CSF3R: variants seen among roughly 807,000 people sequenced by gnomAD.
CSF3R encodes the protein granulocyte colony-stimulating factor receptor.
A neutral mutation model predicts 84.4 loss-of-function variants in CSF3R; 52 were observed. The observed-to-expected ratio is 0.62, with a 90% CI of 0.49 to 0.78. CSF3R has a LOEUF of 0.78. Ranked by LOEUF, CSF3R falls within the 30% of genes least tolerant of loss-of-function variation. CSF3R has a pLI of 0.00. For missense variants in CSF3R, 890 were observed against 1,055.7 expected, an observed-to-expected ratio of 0.84 and a Z score of 2.17; for synonymous variants, 384 against 429.1, an observed-to-expected ratio of 0.89 and a Z score of 1.30.
At position 36,475,572 on chromosome 1, in the gene CSF3R, C is replaced by T. The variant is rs199552713; in HGVS notation, c.166G>A (p.Asp56Asn). 11 of 1,613,378 alleles carry T rather than the reference C, an allele frequency of 6.8e-6. No individual in the cohort carries two copies. The East Asian group carries it at 2.2e-4, about 33-fold the overall frequency. ...CTCCACAGAATCTGTGGCTCCGGGT[C>T]CAGATGGCTGCAGTTCTGCTTGATG... ...CIIKQNCSHL[D>N]PEPQILWRLG... The change falls in exon 4 of 17, where the codon GAC becomes AAC. Residue 56 changes from aspartate (D) to asparagine (N), a missense_variant. Physicochemically the swap from Asp to Asn is conservative, Grantham distance 23. Coordinates refer to ENST00000373106, the MANE Select transcript of CSF3R (RefSeq NM_000760.4).
At chr1:36,469,387 C>T in intron 11 of CSF3R, 130 bp from the exon 12 acceptor site, 1 of 809,048 alleles carries the variant, frequency 1.2e-6, no homozygotes. Flanking sequence ...ACAATATCTT[C>T]TTTAGATCAT....
intron 1 of CSF3R, chr1:36,482,006 C>T (rs1296652830): frequency 6.6e-6 from 1 of 152,426 alleles, no homozygotes; most frequent in Admixed American, 6.5e-5. Context: ...CCCTCACACT[C>T]TCTTCCCCAC....
chr1:36,476,689 C>A (rs938512646), intron 3 of CSF3R, among the ~76,000 whole-genome samples: 2 of 147,376 alleles, frequency 1.4e-5, no homozygotes, highest in Non-Finnish European at 3.0e-5. Context: ...TCTTCAAGTT[C>A]TTGCTCTGTC....
Position 36,466,487 on chromosome 1 carries a change from G to A in CSF3R, c.2381C>T (p.Ala794Val), listed in dbSNP as rs1183274433. 6.2e-7 allele frequency: 1 copy of A among 1,611,468 alleles called. No individual in the cohort carries two copies. Among genetic ancestry groups the A allele is most frequent in the Admixed American group, 1.7e-5 (1 of 59,450 alleles). The part of the protein sequence containing the change: ...PKSYENLWFQ[A>V]SPLGTLVTPA... The stretch of plus-strand genomic sequence containing the variant: ...GGTTACCAGGGTCCCCAAGGGGCTG[G>A]CCTGGAACCAGAGGTTCTCATAGGA... Residue 794 changes from alanine (A) to valine (V), a missense_variant, in exon 17 of 17, where the codon GCC becomes GTC. Coordinates refer to ENST00000373106, the MANE Select transcript of CSF3R (RefSeq NM_000760.4). This position sits in a 1 kb window ranked among gnomAD's most constrained non-coding sequence, Gnocchi z 4.6.
chr1:36,468,294 T>G, intron 12 of CSF3R, 73 bp from the exon 13 acceptor site: 1 of 1,468,450 alleles, frequency 6.8e-7, no homozygotes, highest in Non-Finnish European at 9.1e-7. Flanking sequence ...TTCTTGTGGC[T>G]TCCCAGACAC....
intron 3 of CSF3R, among the ~76,000 whole-genome samples, chr1:36,478,422 G>A (rs1436015502): frequency 3.3e-5 from 5 of 151,908 alleles, no homozygotes; most frequent in African/African-American, 7.3e-5. Context: ...CCAGCTATTC[G>A]GGAGGCTGAG....
At chr1:36,476,629 T>G (rs529960708) in intron 3 of CSF3R, among the ~76,000 whole-genome samples, 98 of 151,784 alleles carry the variant, frequency 6.5e-4, no homozygotes, top group South Asian at 6.0e-3. Flanking sequence ...CTGTTTTTTT[T>G]TTTTTGTTGT....
intron 5 of CSF3R, 45 bp downstream of exon 5, chr1:36,473,719 C>T (rs775581037): frequency 5.0e-6 from 8 of 1,613,980 alleles, no homozygotes; most frequent in East Asian, 2.2e-5. Flanking sequence ...CATGCCCTAC[C>T]CCAGAATCCA....
At chr1:36,476,231 G>A (rs1651141073) in intron 3 of CSF3R, 1 of 153,186 alleles carries the variant, frequency 6.5e-6, no homozygotes, top group Admixed American at 6.5e-5. Context: ...TGTGATGGAT[G>A]AGTGTGGATG....
In CSF3R at chr1:36,468,158, C is replaced by T. The variant is rs138156467; in HGVS notation, c.1640G>A (p.Trp547Ter). Residue 547 changes from tryptophan to a stop codon, truncating the protein, a stop_gained, in exon 13 of 17, where the codon TGG (tryptophan) becomes TAG (stop). Transcript: ENST00000373106. LOFTEE classifies it high-confidence loss of function. ...CCCCAGCTCAGGGGGCTCAGGCACCCACTCCAGCTGTGCCCAGGTCTTGCC... is the reference window on the plus strand; with the variant it reads ...CCCCAGCTCAGGGGGCTCAGGCACCTACTCCAGCTGTGCCCAGGTCTTGCC... ...HIGKTWAQLEWVPEPPELGKS... is the reference protein window; with the variant it reads ...HIGKTWAQLE The T allele has an allele frequency of 4.6e-4, 743 of 1,613,276 alleles. 1 individual carries two copies. Among genetic ancestry groups the T allele is most frequent in the Non-Finnish European group, 6.0e-4 (709 of 1,179,522 alleles).
chr1:36,482,681 G>A (rs538799586), intron 1 of CSF3R, 130 bp downstream of exon 1: 1 of 152,282 alleles, frequency 6.6e-6, no homozygotes, highest in African/African-American at 2.4e-5. Context: ...GGGTTCCAAA[G>A]GACGAATCCC....
rs534308637 is a variant in CSF3R at position 36,475,588 on chromosome 1, C to T, written c.150G>A (p.Gln50=). The T allele has an allele frequency of 3.1e-6, 5 of 1,612,080 alleles. No homozygotes were observed. The African/African-American group carries it at 6.7e-5, about 22-fold the overall frequency. ...DPITASCIIK[Q]NCSHLDPEPQ... ...GCTCCGGGTCCAGATGGCTGCAGTT[C>T]TGCTTGATGATGCAGGAGGCTGTGA... Residue 50 remains glutamine, a synonymous_variant, in exon 4 of 17, where the codon CAG becomes CAA. Coordinates refer to ENST00000373106, the MANE Select transcript of CSF3R (RefSeq NM_000760.4).
Position 36,467,437 on chromosome 1 carries a change from G to C in CSF3R, c.1958+121C>G. 2 of 1,400,492 alleles carry C rather than the reference G, an allele frequency of 1.4e-6. No homozygotes were observed. 86.8% of individuals were successfully genotyped at this position (1,400,492 alleles called of 1,614,324 possible). A position where few individuals can be genotyped will look rare whatever the true frequency, so the allele number is the denominator to read the frequency against. ...GCAGAGAGAAGAAGCTGGGGGCTGG[G>C]ACTCTCAGACATGGGCCCCAAAGTT... On this transcript the variant is annotated intron_variant, in intron 15 of 16. Transcript: ENST00000373106. The surrounding 1 kb of genome is among the most constrained non-coding windows in gnomAD (Gnocchi z 4.1).
intron 3 of CSF3R, 155 bp downstream of exon 3, chr1:36,479,278 G>T: frequency 1.3e-6 from 1 of 782,176 alleles, no homozygotes; most frequent in Non-Finnish European, 2.2e-6. Flanking sequence ...AAGTCTGTGG[G>T]TGGGAGACCA....
intron 9 of CSF3R, 166 bp from the exon 10 acceptor site, chr1:36,471,812 A>G: frequency 5.4e-6 from 4 of 744,564 alleles, no homozygotes; most frequent in Non-Finnish European, 8.8e-6. Flanking sequence ...GCTAGGTTCT[A>G]GGAAGGAGGG....
chr1:36,482,751 A>AGAGAT (rs1651612492), intron 1 of CSF3R, 60 bp downstream of exon 1: 1 of 152,288 alleles, frequency 6.6e-6, no homozygotes, highest in Non-Finnish European at 1.5e-5. Context: ...GAGTGGCCCC[A>AGAGAT]GGATTCCAGC....
intron 1 of CSF3R, among the ~76,000 whole-genome samples, chr1:36,482,314 G>A (rs997085893): frequency 6.6e-6 from 1 of 151,502 alleles, no homozygotes; most frequent in African/African-American, 2.4e-5. Flanking sequence ...GCGGGGGGGG[G>A]GCACTCGGAG....
rs927384260 is a variant in CSF3R, at chr1:36,472,743, T to G, written c.674-57A>C. On this transcript the variant is annotated intron_variant, in intron 6 of 16. Transcript: ENST00000373106. The surrounding 1 kb of genome is among the most constrained non-coding windows in gnomAD (Gnocchi z 5.0). ...CTATCCCACCCTAGAGGGCTCTGCC[T>G]TAGCTCCCTCTTGTCTCCCTGTCTG... The G allele has an allele frequency of 6.8e-7, 1 of 1,473,326 alleles. No individual in the cohort carries two copies. Among genetic ancestry groups the G allele is most frequent in the African/African-American group, 1.4e-5 (1 of 70,918 alleles). 91.3% of individuals were successfully genotyped at this position (1,473,326 alleles called of 1,614,324 possible).
intron 10 of CSF3R, among the ~76,000 whole-genome samples, chr1:36,470,249 A>G (rs1244856058): frequency 6.6e-6 from 1 of 152,190 alleles, no homozygotes; most frequent in African/African-American, 2.4e-5. Flanking sequence ...CAGTGGCGCC[A>G]TCTCGGCTCA....
Sources: allele counts gnomAD v4.1 joint callset (sites outside exome capture counted in the v4.1 genomes callset), GRCh38; gene constraint gnomAD v4.1.1; non-coding constraint Gnocchi (gnomAD v3.1); transcripts MANE v1.5; gene names NCBI Gene and HGNC (gene_info 2026-07-23, HGNC 2026-07-21).